COLQ: variants seen among roughly 807,000 people sequenced by gnomAD.
COLQ encodes the protein collagen like tail subunit of asymmetric acetylcholinesterase, also known as acetylcholinesterase collagenic tail peptide.
Under a neutral mutation model 69.0 loss-of-function variants are expected in COLQ, and 48 were observed. The observed-to-expected ratio is 0.70, with a 90% CI of 0.55 to 0.88. The LOEUF (loss-of-function observed/expected upper bound fraction) is 0.88. COLQ is among the 40% of genes least tolerant of loss of function. COLQ has a pLI of 0.00. For synonymous variants in COLQ, 217 were observed against 211.2 expected (o/e 1.03, Z -0.24); for missense variants, 618 against 594.6 (o/e 1.04, Z -0.41).
At chr3:15,517,150 C>G (rs2063073982) in intron 1 of COLQ, among the ~76,000 whole-genome samples, 1 of 152,134 alleles carries the variant, frequency 6.6e-6, no homozygotes, top group Middle Eastern at 3.4e-3. Flanking sequence ...CTCGAAAAAA[C>G]AAACAAAAAA....
chr3:15,488,766 T>A (rs1254227550), intron 2 of COLQ, among the ~76,000 whole-genome samples: 1 of 152,210 alleles, frequency 6.6e-6, no homozygotes, highest in African/African-American at 2.4e-5. Flanking sequence ...TTTTAACATA[T>A]ATTCAGTATT....
intron 1 of COLQ, chr3:15,498,850 G>A: frequency 7.1e-7 from 1 of 1,411,308 alleles, no homozygotes; most frequent in South Asian, 1.5e-5. Flanking sequence ...GGACAAGAGT[G>A]CCTTCAGCCC....
At chr3:15,485,432 A>G (rs2062558085) in intron 3 of COLQ, among the ~76,000 whole-genome samples, 1 of 152,220 alleles carries the variant, frequency 6.6e-6, no homozygotes, top group East Asian at 1.9e-4. Flanking sequence ...CAGCTCAGTT[A>G]GAAATGCAGA....
chr3:15,478,736 G>T (rs144899815), intron 5 of COLQ: 11 of 609,006 alleles, frequency 1.8e-5, no homozygotes, highest in African/African-American at 1.5e-4. Flanking sequence ...ATTTGGCCAG[G>T]CTTGGCAGCC....
chr3:15,505,360 C>T (rs1559531173), intron 1 of COLQ, among the ~76,000 whole-genome samples: 1 of 152,188 alleles, frequency 6.6e-6, no homozygotes, highest in South Asian at 2.1e-4. Context: ...TCAGTCATCT[C>T]GTGTCGGTCA....
Position 15,466,471 on chromosome 3 carries a change from G to A in COLQ, c.718-34C>T, listed in dbSNP as rs775980495. 29 of 1,555,116 alleles carry A rather than the reference G, an allele frequency of 1.9e-5. No individual in the cohort carries two copies. In the East Asian group the frequency reaches 5.8e-4, roughly 31 times the overall value. ...GAGAAAGGCAGAGCCTGTTATGAAA[G>A]CATGACATAGCAAGCTTCCCGCCCC... On this transcript the variant is annotated intron_variant, in intron 11 of 16. Coordinates refer to ENST00000383788, the MANE Select transcript of COLQ (RefSeq NM_005677.4).
rs1439464389 is a variant in COLQ, at chr3:15,458,170, T to C, written c.954+16A>G. 1 of 1,612,766 alleles carries C rather than the reference T, an allele frequency of 6.2e-7. No homozygotes were observed. The highest frequency in any genetic ancestry group is 1.3e-5 in the African/African-American group (1 of 74,890). ...CTCACGGATAACCACCCCAGACTTC[T>C]CCCAGAAAGCCTTACCACAGGAACT... On this transcript the variant is annotated intron_variant, in intron 13 of 16. Coordinates refer to ENST00000383788, the MANE Select transcript of COLQ (RefSeq NM_005677.4).
At chr3:15,502,201 T>C (rs1468318677) in intron 1 of COLQ, among the ~76,000 whole-genome samples, 1 of 150,774 alleles carries the variant, frequency 6.6e-6, no homozygotes, top group Non-Finnish European at 1.5e-5. Context: ...CTGCAACCTC[T>C]GCCTCTCGGA....
intron 5 of COLQ, 159 bp from the exon 6 acceptor site, chr3:15,477,356 C>T (rs2125120053): frequency 3.0e-6 from 2 of 665,778 alleles, no homozygotes; most frequent in South Asian, 1.8e-5. Context: ...CCTGACAAGC[C>T]CTTGGTGTCA....
chr3:15,488,575 A>T (rs2062614938), intron 2 of COLQ, among the ~76,000 whole-genome samples: 1 of 152,168 alleles, frequency 6.6e-6, no homozygotes, highest in African/African-American at 2.4e-5. Context: ...GCCTCTATCC[A>T]ATGTGTAGGT....
intron 1 of COLQ, among the ~76,000 whole-genome samples, chr3:15,509,195 T>C (rs183221583): frequency 2.9e-4 from 44 of 152,318 alleles, no homozygotes; most frequent in Admixed American, 5.2e-4. Context: ...TATTTAATCA[T>C]TTTCCTCTGA....
intron 1 of COLQ, among the ~76,000 whole-genome samples, chr3:15,516,112 G>A (rs144121696): frequency 5.3e-5 from 8 of 152,314 alleles, no homozygotes; most frequent in African/African-American, 1.9e-4. Flanking sequence ...CAGGAAGCCT[G>A]GGACCCCTTA....
intron 1 of COLQ, among the ~76,000 whole-genome samples, chr3:15,491,653 T>C (rs1189476345): frequency 6.6e-6 from 1 of 152,258 alleles, no homozygotes; most frequent in East Asian, 1.9e-4. Context: ...AAATATTTTA[T>C]AAAGACACCT....
intron 11 of COLQ, among the ~76,000 whole-genome samples, chr3:15,468,566 T>G (rs188460008): frequency 9.3e-4 from 142 of 152,290 alleles, no homozygotes; most frequent in Non-Finnish European, 1.1e-3. Context: ...ACTCCTGACC[T>G]CAGGTGATCT....
intron 1 of COLQ, among the ~76,000 whole-genome samples, chr3:15,520,105 T>C (rs748909244): frequency 2.0e-5 from 3 of 152,204 alleles, no homozygotes; most frequent in Admixed American, 2.0e-4. Flanking sequence ...AAGGAATCCA[T>C]GACCCAAACA....
In COLQ at chr3:15,456,549, C is replaced by T. The variant is rs1239733569; in HGVS notation, c.985G>A (p.Glu329Lys). 1.2e-6 allele frequency: 2 copies of T among 1,614,152 alleles called. No individual in the cohort carries two copies. Among genetic ancestry groups the T allele is most frequent in the Non-Finnish European group, 1.7e-6 (2 of 1,180,030 alleles). ...ATGGCGTTTTGGGTGTTCAGCCTCTCAAGCTCCTCCTGGTTGTTGACCACA... is the reference window on the plus strand; with the variant it reads ...ATGGCGTTTTGGGTGTTCAGCCTCTTAAGCTCCTCCTGGTTGTTGACCACA... ...IFVVNNQEEL[E>K]RLNTQNAIAF... The change falls in exon 14 of 17, where the codon GAG becomes AAG. Residue 329 changes from glutamate (E) to lysine (K), a missense_variant. Physicochemically the swap from Glu to Lys is moderately conservative, Grantham distance 56 (BLOSUM62 1). Transcript: ENST00000383788.
intron 12 of COLQ, among the ~76,000 whole-genome samples, chr3:15,460,594 A>T (rs1233638449): frequency 6.6e-6 from 1 of 152,212 alleles, no homozygotes; most frequent in Non-Finnish European, 1.5e-5. Flanking sequence ...AAAACACTGC[A>T]GTCGGAGGAG....
chr3:15,499,007 AGCC>A, intron 1 of COLQ: 144 of 1,050,932 alleles, frequency 1.4e-4, no homozygotes, highest in Middle Eastern at 9.0e-4. Flanking sequence ...TGCTCTGGTA[AGCC>A]TCAAAGTCAA....
chr3:15,515,666 C>T (rs368688453), intron 1 of COLQ, among the ~76,000 whole-genome samples: 3 of 151,900 alleles, frequency 2.0e-5, no homozygotes, highest in Admixed American at 1.3e-4. Context: ...ATTAACTGGG[C>T]GTGGTGGTGG....
Sources: allele counts gnomAD v4.1 joint callset (sites outside exome capture counted in the v4.1 genomes callset), GRCh38; gene constraint gnomAD v4.1.1; transcripts MANE v1.5; gene names NCBI Gene and HGNC (gene_info 2026-07-23, HGNC 2026-07-21).